Variants in CPNE8 observed in about 807,000 individuals in gnomAD.
CPNE8 encodes the protein copine-8.
Under a neutral mutation model 81.5 loss-of-function variants are expected in CPNE8, and 45 were observed. That is an observed-to-expected ratio of 0.55 (90% CI 0.44 to 0.71). The LOEUF (loss-of-function observed/expected upper bound fraction) is 0.71. Ranked by LOEUF, CPNE8 falls within the 30% of genes least tolerant of loss-of-function variation. CPNE8 has a pLI of 0.00. For synonymous variants in CPNE8, 252 were observed against 226.3 expected (o/e 1.11, Z -1.02); for missense variants, 594 against 672.1 (o/e 0.88, Z 1.28).
chr12:38,866,178 CAT>C (rs964773748), intron 3 of CPNE8, among the ~76,000 whole-genome samples: 1 of 152,212 alleles, frequency 6.6e-6, no homozygotes, highest in African/African-American at 2.4e-5. Context: ...CTTTCAACCA[CAT>C]GTCACACAAC....
chr12:38,743,409 A>G (rs888506667), intron 10 of CPNE8, among the ~76,000 whole-genome samples: 26 of 152,120 alleles, frequency 1.7e-4, no homozygotes, highest in African/African-American at 5.5e-4. Context: ...ATCTTAATGT[A>G]GACTATATTA....
In CPNE8 at chr12:38,895,267, A is replaced by C. The variant is rs1054338856; in HGVS notation, c.98+10170T>G. Among the ~76,000 whole-genome samples, 8 of 152,096 alleles carry C rather than the reference A, an allele frequency of 5.3e-5. No homozygotes were observed. The East Asian group carries it at 1.5e-3, about 29-fold the overall frequency. On this transcript the variant is annotated intron_variant, in intron 1 of 19. Coordinates refer to ENST00000331366, the MANE Select transcript of CPNE8 (RefSeq NM_153634.3). Reference sequence around the variant, plus strand: ...ATTTGCCATGAAGGGAAACTCTGGAATTAAGTATTACTGAAAAGCTAGCAA... The same window carrying C: ...ATTTGCCATGAAGGGAAACTCTGGACTTAAGTATTACTGAAAAGCTAGCAA...
intron 1 of CPNE8, among the ~76,000 whole-genome samples, chr12:38,903,366 A>G (rs1380945460): frequency 6.6e-6 from 1 of 152,212 alleles, no homozygotes; most frequent in African/African-American, 2.4e-5. Flanking sequence ...AATTAAAAAC[A>G]AAATGTCAAA....
intron 5 of CPNE8, among the ~76,000 whole-genome samples, chr12:38,835,321 T>C (rs369938258): frequency 7.9e-5 from 12 of 152,208 alleles, no homozygotes; most frequent in African/African-American, 2.7e-4. Context: ...AGAACCATGC[T>C]GGTTGGTTTA....
chr12:38,695,873 A>C (rs2136676830), intron 14 of CPNE8, among the ~76,000 whole-genome samples: 1 of 152,192 alleles, frequency 6.6e-6, no homozygotes, highest in East Asian at 1.9e-4. Context: ...CCGGGAGGTC[A>C]AGGGTGCAGT....
At chr12:38,874,217 C>T (rs763531252) in intron 2 of CPNE8, among the ~76,000 whole-genome samples, 21 of 152,040 alleles carry the variant, frequency 1.4e-4, no homozygotes, top group Non-Finnish European at 2.4e-4. Context: ...ACCAAATGGC[C>T]ATAGTACGAG....
chr12:38,845,728 G>T lies in CPNE8; in HGVS notation c.290+2831C>A, dbSNP rs535311754. The stretch of plus-strand genomic sequence containing the variant: ...ATAAGCCTGTTCTTTCAGGTTAAAG[G>T]TTATTATGTGAGTATTCTAAAAAAT... On this transcript the variant is annotated intron_variant, in intron 4 of 19. Coordinates refer to ENST00000331366, the MANE Select transcript of CPNE8 (RefSeq NM_153634.3). Among the ~76,000 whole-genome samples the T allele has an allele frequency of 1.0e-3, 159 of 152,064 alleles. 2 individuals are homozygous for T. Among genetic ancestry groups the T allele is most frequent in the African/African-American group, 3.7e-3 (152 of 41,488 alleles).
In CPNE8 at chr12:38,693,737, C is replaced by T. The variant is rs1219699156; in HGVS notation, c.1063G>A (p.Asp355Asn). 4.3e-6 allele frequency: 7 copies of T among 1,613,612 alleles called. No individual in the cohort carries two copies. Among genetic ancestry groups the T allele is most frequent in the Non-Finnish European group, 5.9e-6 (7 of 1,179,748 alleles). The change falls in exon 15 of 20, where the codon GAC becomes AAC. Residue 355 changes from aspartate (D) to asparagine (N), a missense_variant. Coordinates refer to ENST00000331366, the MANE Select transcript of CPNE8 (RefSeq NM_153634.3). ...KAVGEIVQDY[D>N]SDKMFPALGF... ...AGAGCTGGAAACATTTTATCACTGTCATAATCTTGAACAATTTCTCCCACT... is the reference window on the plus strand; with the variant it reads ...AGAGCTGGAAACATTTTATCACTGTTATAATCTTGAACAATTTCTCCCACT...
intron 13 of CPNE8, among the ~76,000 whole-genome samples, chr12:38,707,558 G>T: frequency 6.6e-6 from 1 of 152,200 alleles, no homozygotes; most frequent in Non-Finnish European, 1.5e-5. Flanking sequence ...AAGTATAAAA[G>T]GTGGATGCAT....
At chr12:38,838,962 A>G (rs748123398) in intron 5 of CPNE8, among the ~76,000 whole-genome samples, 2 of 152,062 alleles carry the variant, frequency 1.3e-5, no homozygotes, top group African/African-American at 4.8e-5. Context: ...GGGAAATCAC[A>G]TGCCCATCTA....
At chr12:38,903,749 G>A (rs919245057) in intron 1 of CPNE8, among the ~76,000 whole-genome samples, 1 of 152,076 alleles carries the variant, frequency 6.6e-6, no homozygotes, top group African/African-American at 2.4e-5. Flanking sequence ...CTCTAACATC[G>A]AAAGCAAGCT....
At chr12:38,900,727 G>A (rs1444337517) in intron 1 of CPNE8, among the ~76,000 whole-genome samples, 3 of 152,076 alleles carry the variant, frequency 2.0e-5, no homozygotes, top group Admixed American at 1.3e-4. Context: ...TTTTTTAGCC[G>A]TATTTCTCGG....
chr12:38,861,123 TAAAC>T (rs1299717827), intron 3 of CPNE8, among the ~76,000 whole-genome samples: 2 of 152,122 alleles, frequency 1.3e-5, no homozygotes, highest in Non-Finnish European at 2.9e-5. Context: ...TTAACTGAAA[TAAAC>T]AAGTCACAGA....
At chr12:38,793,193 T>G (rs79880846) in intron 6 of CPNE8, among the ~76,000 whole-genome samples, 2,979 of 143,248 alleles carry the variant, frequency 0.021, 96 homozygotes, top group African/African-American at 0.084. Context: ...CTCCCACTTC[T>G]ATTCAACATA....
intron 1 of CPNE8, among the ~76,000 whole-genome samples, chr12:38,901,809 T>C (rs1340589883): frequency 6.6e-6 from 1 of 152,128 alleles, no homozygotes; most frequent in Non-Finnish European, 1.5e-5. Flanking sequence ...CTCTCCCCTT[T>C]GTAATATACT....
At chr12:38,898,548 A>G (rs1944418149) in intron 1 of CPNE8, among the ~76,000 whole-genome samples, 1 of 152,208 alleles carries the variant, frequency 6.6e-6, no homozygotes. Flanking sequence ...TGGCTCATTA[A>G]CAGCACAACA....
chr12:38,749,710 T>A (rs1177312707), intron 10 of CPNE8, among the ~76,000 whole-genome samples: 1 of 152,152 alleles, frequency 6.6e-6, no homozygotes, highest in Non-Finnish European at 1.5e-5. Flanking sequence ...ATTTAGGGTA[T>A]CTAGGAGAGG....
intron 14 of CPNE8, among the ~76,000 whole-genome samples, chr12:38,697,207 C>T (rs527912429): frequency 6.6e-6 from 1 of 152,268 alleles, no homozygotes; most frequent in South Asian, 2.1e-4. Context: ...AATCACTAAT[C>T]GTCTTTTTGT....
chr12:38,829,127 A>G (rs1267770986), intron 6 of CPNE8, among the ~76,000 whole-genome samples: 2 of 152,232 alleles, frequency 1.3e-5, no homozygotes, highest in Non-Finnish European at 2.9e-5. Context: ...TAGTACAACC[A>G]AAAGAAAAAC....
Sources: gnomAD v4.1 joint callset for allele counts (sites outside exome capture counted in the v4.1 genomes callset) on GRCh38, gnomAD v4.1.1 for gene constraint, MANE v1.5 for transcripts, NCBI Gene and HGNC (gene_info 2026-07-23, HGNC 2026-07-21) for gene names.